AMMECR1: variants seen among roughly 807,000 people sequenced by gnomAD.
AMMECR1 encodes the protein AMMECR nuclear protein 1, also known as nuclear protein AMMECR1.
A neutral mutation model predicts 22.5 loss-of-function variants in AMMECR1; 3 were observed. The ratio of observed to expected loss-of-function variants is 0.13; its 90% confidence interval spans 0.06 to 0.35. The LOEUF (loss-of-function observed/expected upper bound fraction) is 0.35. Among genes scored for constraint, AMMECR1 ranks in the 10% least tolerant of loss-of-function variants. The probability of loss-of-function intolerance (pLI) is 1.00; values close to 1 mark genes in which losing one functional copy is unlikely to be tolerated. For missense variants in AMMECR1, 235 were observed against 278.7 expected (o/e 0.84, Z 1.12); for synonymous variants, 130 against 116.7 (o/e 1.11, Z -0.74).
At chrX:110,201,446 ACACCACCT>A (rs772320390) in intron 4 of AMMECR1, among the ~76,000 whole-genome samples, 118 of 111,928 alleles carry the variant, frequency 1.1e-3, no homozygotes, top group African/African-American at 3.8e-3. Context: ...TAGGACTCCC[ACACCACCT>A]CACAGTAATT....
chrX:110,382,944 G>A (rs1323753863), intron 2 of AMMECR1, among the ~76,000 whole-genome samples: 1 of 111,991 alleles, frequency 8.9e-6, no homozygotes, highest in East Asian at 2.8e-4. Flanking sequence ...GGTGGCCCAT[G>A]GCCTATAAGG....
At chrX:110,408,387 G>A (rs189917297) in intron 2 of AMMECR1, among the ~76,000 whole-genome samples, 11 of 112,245 alleles carry the variant, frequency 9.8e-5, no homozygotes, top group African/African-American at 2.9e-4. Flanking sequence ...ACTGGAAATG[G>A]GGATGCTAGA....
At chrX:110,209,927 A>G (rs768649844) in intron 3 of AMMECR1, among the ~76,000 whole-genome samples, 2 of 110,234 alleles carry the variant, frequency 1.8e-5, no homozygotes, top group Non-Finnish European at 3.8e-5. Flanking sequence ...TAGCTATAAC[A>G]AAAGTACTAG....
intron 2 of AMMECR1, among the ~76,000 whole-genome samples, chrX:110,395,425 C>T (rs972883823): frequency 2.7e-5 from 3 of 111,612 alleles, no homozygotes; most frequent in East Asian, 5.6e-4. Context: ...GAGGGCATAC[C>T]GCCTACCTGG....
rs926055208 is a variant in AMMECR1, at chrX:110,362,643, T to C, written c.-147-44794A>G. 2.7e-5 allele frequency among the ~76,000 whole-genome samples: 3 copies of C among 111,994 alleles called. No individual in the cohort carries two copies. The Admixed American group carries it at 2.9e-4, about 11-fold the overall frequency. ...TTCAGCTTTCATGTACTCCTAATGG[T>C]AAGAATCACATGGTAGGAAATATGA... On this transcript the variant is annotated intron_variant, in intron 2 of 7. Transcript: ENST00000372057.
intron 2 of AMMECR1, among the ~76,000 whole-genome samples, chrX:110,233,971 C>G (rs771960915): frequency 8.9e-6 from 1 of 112,058 alleles, no homozygotes; most frequent in African/African-American, 3.2e-5. Context: ...GTTGGAAGTT[C>G]TGGCTAGGGC....
intron 1 of AMMECR1, among the ~76,000 whole-genome samples, chrX:110,297,185 C>A (rs1310091152): frequency 8.9e-6 from 1 of 111,772 alleles, no homozygotes; most frequent in African/African-American, 3.2e-5. Flanking sequence ...GCCAAAAAGC[C>A]CTGTGTTGGG....
chrX:110,404,938 T>TC (rs2068588489), intron 2 of AMMECR1, among the ~76,000 whole-genome samples: 1 of 111,934 alleles, frequency 8.9e-6, no homozygotes, highest in African/African-American at 3.2e-5. Context: ...AATTCTGTCA[T>TC]CCGCATTCTG....
chrX:110,288,581 G>A (rs1016188405), intron 1 of AMMECR1, among the ~76,000 whole-genome samples: 2 of 111,967 alleles, frequency 1.8e-5, no homozygotes, highest in Non-Finnish European at 3.8e-5. Context: ...ATGGCTGACA[G>A]AGCTCTCCAA....
At chrX:110,206,257 T>C (rs1322290758) in intron 3 of AMMECR1, among the ~76,000 whole-genome samples, 1 of 112,285 alleles carries the variant, frequency 8.9e-6, no homozygotes, top group Non-Finnish European at 1.9e-5. Context: ...GAAGAGATTA[T>C]AAATAATGGC....
At chrX:110,422,625 C>T (rs1447116244) in intron 2 of AMMECR1, among the ~76,000 whole-genome samples, 1 of 112,459 alleles carries the variant, frequency 8.9e-6, no homozygotes, top group Admixed American at 9.4e-5. Flanking sequence ...TCTCAAATTT[C>T]CTCGCAGCAG....
At chrX:110,375,284 A>G (rs1178451939) in intron 2 of AMMECR1, among the ~76,000 whole-genome samples, 2 of 112,197 alleles carry the variant, frequency 1.8e-5, no homozygotes, top group Non-Finnish European at 3.8e-5. Context: ...AGAACAAGAG[A>G]TGGAATGAGA....
intron 2 of AMMECR1, among the ~76,000 whole-genome samples, chrX:110,405,963 T>C (rs776491660): frequency 8.9e-6 from 1 of 111,932 alleles, no homozygotes; most frequent in Admixed American, 9.5e-5. Context: ...AGACTGTAAT[T>C]ACAGCAATGA....
chrX:110,420,955 C>T (rs755520262), intron 2 of AMMECR1, among the ~76,000 whole-genome samples: 1 of 111,732 alleles, frequency 8.9e-6, no homozygotes, highest in South Asian at 3.8e-4. Flanking sequence ...ACTGCCTCAG[C>T]CCTTGAAAAT....
In AMMECR1 at chrX:110,198,122, A is replaced by G. The variant is rs1219150428; in HGVS notation, c.*398T>C. On this transcript the variant is annotated 3_prime_UTR_variant, in exon 6 of 6. Coordinates refer to ENST00000262844, the MANE Select transcript of AMMECR1 (RefSeq NM_015365.3). The stretch of plus-strand genomic sequence containing the variant: ...TGCACACTTTCTTCCATCCACAGTC[A>G]AAGGAAGGGAGGCAGGGAAGGAAGA... 1 of 114,689 alleles carries G rather than the reference A, an allele frequency of 8.7e-6. No homozygotes were observed. Among genetic ancestry groups the G allele is most frequent in the East Asian group, 2.7e-4 (1 of 3,757 alleles). The allele number at this position is 114,689 out of a possible 1,213,427, so 9.5% of individuals were successfully genotyped here. A position where few individuals can be genotyped will look rare whatever the true frequency, so the allele number is the denominator to read the frequency against.
In AMMECR1 at chrX:110,200,944, T is replaced by C; in HGVS notation, c.887+10A>G. On this transcript the variant is annotated intron_variant, in intron 5 of 5. Transcript: ENST00000262844. ...CAGGTTAGCCTTGTGCTAGAAAATG[T>C]CTTCTGTACCTGGTCAGTTTTATGG... 1 of 1,178,859 alleles carries C rather than the reference T, an allele frequency of 8.5e-7. No homozygotes were observed. Among genetic ancestry groups the C allele is most frequent in the Non-Finnish European group, 1.2e-6 (1 of 866,504 alleles).
intron 2 of AMMECR1, among the ~76,000 whole-genome samples, chrX:110,408,474 G>C (rs1212119922): frequency 8.9e-6 from 1 of 112,418 alleles, no homozygotes; most frequent in Non-Finnish European, 1.9e-5. Context: ...ATGTTCTGCT[G>C]GACTTCCATG....
chrX:110,258,172 C>T (rs1223455303), intron 2 of AMMECR1, among the ~76,000 whole-genome samples: 1 of 112,121 alleles, frequency 8.9e-6, no homozygotes, highest in Non-Finnish European at 1.9e-5. Context: ...GAATTAGAAT[C>T]TGATATACTC....
At chrX:110,358,243 A>G (rs1345601530) in intron 2 of AMMECR1, among the ~76,000 whole-genome samples, 1 of 111,231 alleles carries the variant, frequency 9.0e-6, no homozygotes, top group Non-Finnish European at 1.9e-5. Flanking sequence ...TAAAATGCAG[A>G]GTGTTGTCAA....
Sources: allele counts gnomAD v4.1 joint callset (sites outside exome capture counted in the v4.1 genomes callset), GRCh38; gene constraint gnomAD v4.1.1; transcripts MANE v1.5; gene names NCBI Gene and HGNC (gene_info 2026-07-23, HGNC 2026-07-21).